The following DLGAP1 variants were observed in gnomAD, a reference collection of about 807,000 sequenced individuals.
The protein encoded by DLGAP1 is disks large-associated protein 1.
DLGAP1 carries 11 observed loss-of-function variants against 90.8 expected under a neutral mutation model. The observed-to-expected ratio is 0.12, with a 90% confidence interval of 0.08 to 0.20. The LOEUF is 0.20. DLGAP1 is among the 10% of genes least tolerant of loss of function. The pLI, the probability that DLGAP1 is intolerant of heterozygous loss-of-function variation, is 1.00. For synonymous variants in DLGAP1, 558 were observed against 540.7 expected (o/e 1.03, Z -0.44); for missense variants, 1,050 against 1,333.8 (o/e 0.79, Z 3.31).
intron 5 of DLGAP1, among the ~76,000 whole-genome samples, chr18:3,799,149 C>T (rs1320562145): frequency 6.6e-6 from 1 of 152,126 alleles, no homozygotes; most frequent in Non-Finnish European, 1.5e-5. Context: ...AGATTACAGG[C>T]GTGAGCCACT....
intron 1 of DLGAP1, among the ~76,000 whole-genome samples, chr18:4,319,403 G>C (rs2080620400): frequency 6.6e-6 from 1 of 152,020 alleles, no homozygotes; most frequent in Non-Finnish European, 1.5e-5. Flanking sequence ...AACAACATGA[G>C]GGCTGAACAA....
intron 1 of DLGAP1, among the ~76,000 whole-genome samples, chr18:4,161,234 CG>C (rs1469833616): frequency 1.3e-5 from 2 of 152,068 alleles, no homozygotes; most frequent in African/African-American, 4.8e-5. Context: ...CTCTCCCTCC[CG>C]CCACCTTTCC....
intron 1 of DLGAP1, among the ~76,000 whole-genome samples, chr18:4,416,081 G>A (rs2082892681): frequency 6.6e-6 from 1 of 151,328 alleles, no homozygotes; most frequent in Non-Finnish European, 1.5e-5. Context: ...ATCTTGGCAA[G>A]CATTCTGGCT....
intron 1 of DLGAP1, among the ~76,000 whole-genome samples, chr18:4,397,606 A>C (rs141600943): frequency 6.6e-5 from 10 of 152,154 alleles, no homozygotes; most frequent in Non-Finnish European, 1.2e-4. Context: ...TACAGAGATA[A>C]CAAGTATTTT....
intron 1 of DLGAP1, among the ~76,000 whole-genome samples, chr18:4,430,421 G>T (rs1161530230): frequency 1.3e-5 from 2 of 151,316 alleles, no homozygotes; most frequent in Admixed American, 1.3e-4. Flanking sequence ...TCTCTCTGGG[G>T]ATATTCTTTT....
chr18:4,200,795 T>C (rs1467345841), intron 1 of DLGAP1, among the ~76,000 whole-genome samples: 1 of 152,236 alleles, frequency 6.6e-6, no homozygotes, highest in South Asian at 2.1e-4. Flanking sequence ...GCAATTCTTG[T>C]CCTTAATTTC....
intron 5 of DLGAP1, among the ~76,000 whole-genome samples, chr18:3,752,581 C>A (rs1028612608): frequency 1.7e-5 from 2 of 118,490 alleles, no homozygotes; most frequent in African/African-American, 6.4e-5. Flanking sequence ...TTTCTTTCTT[C>A]TCTCTCTTTC....
At chr18:4,363,870 T>C (rs1366695591) in intron 1 of DLGAP1, among the ~76,000 whole-genome samples, 1 of 152,088 alleles carries the variant, frequency 6.6e-6, no homozygotes, top group African/African-American at 2.4e-5. Context: ...GATCTAGAAC[T>C]AGAAATACCA....
intron 3 of DLGAP1, among the ~76,000 whole-genome samples, chr18:3,939,519 G>A (rs1391760145): frequency 6.6e-6 from 1 of 151,364 alleles, no homozygotes; most frequent in Non-Finnish European, 1.5e-5. Context: ...AAAACAAGTG[G>A]CATAGAATAT....
In DLGAP1 at chr18:3,917,028, C is replaced by G. The variant is rs148250304; in HGVS notation, c.-72-36888G>C. On this transcript the variant is annotated intron_variant, in intron 3 of 12. Coordinates refer to ENST00000315677, the MANE Select transcript of DLGAP1 (RefSeq NM_004746.4). ...TTTTCACTTTTGGTACAATACTCAG[C>G]AGATTACATGAGCTAGTCAGCACTT... Among the ~76,000 whole-genome samples, 85 of 152,290 alleles carry G rather than the reference C, an allele frequency of 5.6e-4. No individual in the cohort carries two copies. In the East Asian group the frequency reaches 0.015, roughly 26 times the overall value.
At chr18:4,064,898 T>C (rs2075349877) in intron 2 of DLGAP1, among the ~76,000 whole-genome samples, 1 of 152,084 alleles carries the variant, frequency 6.6e-6, no homozygotes. Context: ...CAGGAAAATA[T>C]CCTTGAAGAA....
intron 1 of DLGAP1, among the ~76,000 whole-genome samples, chr18:4,366,058 G>A (rs901068278): frequency 6.6e-6 from 1 of 151,936 alleles, no homozygotes; most frequent in Non-Finnish European, 1.5e-5. Flanking sequence ...TACTGTATAC[G>A]TACTGTCAAA....
intron 1 of DLGAP1, among the ~76,000 whole-genome samples, chr18:4,359,940 G>A (rs1414317202): frequency 6.6e-6 from 1 of 152,292 alleles, no homozygotes; most frequent in East Asian, 1.9e-4. Flanking sequence ...ATAAACCTGA[G>A]GTAAGGATCA....
chr18:4,293,078 G>C (rs2079890330), intron 1 of DLGAP1: 1 of 152,220 alleles, frequency 6.6e-6, no homozygotes, highest in Non-Finnish European at 1.5e-5. Context: ...ATCAGTGGAA[G>C]TTCAAGGAGC....
intron 3 of DLGAP1, among the ~76,000 whole-genome samples, chr18:3,930,178 C>A (rs1288729914): frequency 2.6e-5 from 4 of 152,116 alleles, no homozygotes; most frequent in Non-Finnish European, 5.9e-5. Flanking sequence ...CTGTGTGGGC[C>A]ATAGGAAGTT....
chr18:3,548,066 C>T (rs966122297), intron 9 of DLGAP1, among the ~76,000 whole-genome samples: 1 of 151,998 alleles, frequency 6.6e-6, no homozygotes, highest in African/African-American at 2.4e-5. Flanking sequence ...GACAGCAAAC[C>T]GATTAGCAGT....
intron 1 of DLGAP1, among the ~76,000 whole-genome samples, chr18:4,177,908 G>A (rs1424570939): frequency 6.6e-6 from 1 of 151,984 alleles, no homozygotes; most frequent in Non-Finnish European, 1.5e-5. Context: ...TTGCTATTGT[G>A]AATAGTGCTG....
chr18:3,600,304 T>C (rs910968339), intron 7 of DLGAP1, among the ~76,000 whole-genome samples: 6 of 151,728 alleles, frequency 4.0e-5, no homozygotes, highest in African/African-American at 1.5e-4. Context: ...CAGGCTGGAG[T>C]GCAATGGCAC....
At chr18:4,305,693 C>A (rs562527510) in intron 1 of DLGAP1, among the ~76,000 whole-genome samples, 1 of 152,212 alleles carries the variant, frequency 6.6e-6, no homozygotes, top group Non-Finnish European at 1.5e-5. Flanking sequence ...TAAAGTCATG[C>A]TCAGAAAGTC....
Sources: gnomAD v4.1 joint callset for allele counts (sites outside exome capture counted in the v4.1 genomes callset) on GRCh38, gnomAD v4.1.1 for gene constraint, MANE v1.5 for transcripts, NCBI Gene and HGNC (gene_info 2026-07-23, HGNC 2026-07-21) for gene names.